Variants in GREB1L observed in about 807,000 individuals in gnomAD.
GREB1L encodes GREB1 like retinoic acid receptor coactivator, also known as GREB1-like protein.
A neutral mutation model predicts 200.8 loss-of-function variants in GREB1L; 17 were observed. That is an observed-to-expected ratio of 0.08 (90% CI 0.06 to 0.13). GREB1L has a LOEUF of 0.13. Ranked by LOEUF, GREB1L falls within the 10% of genes least tolerant of loss-of-function variation. The pLI is 1.00. For synonymous variants in GREB1L, 789 were observed against 893.0 expected (o/e 0.88, Z 2.08); for missense variants, 1,657 against 2,367.7 (o/e 0.70, Z 6.23).
At chr18:21,430,188 A>AT (rs2033025269) in intron 7 of GREB1L, among the ~76,000 whole-genome samples, 1 of 152,140 alleles carries the variant, frequency 6.6e-6, no homozygotes. Context: ...GGTTTTAGGA[A>AT]TTGGGGCCTC....
At chr18:21,382,877 G>A (rs2040379798) in intron 2 of GREB1L, among the ~76,000 whole-genome samples, 1 of 152,024 alleles carries the variant, frequency 6.6e-6, no homozygotes, top group East Asian at 1.9e-4. Flanking sequence ...AAAGTTTTTT[G>A]CCATATACTT....
chr18:21,522,090 C>A lies in GREB1L; in HGVS notation c.5609-568C>A, dbSNP rs139402125. Among the ~76,000 whole-genome samples the A allele has an allele frequency of 2.7e-3, 400 of 150,570 alleles. 1 individual carries two copies. The highest frequency in any genetic ancestry group is 4.5e-3 in the Non-Finnish European group (305 of 67,750). On this transcript the variant is annotated intron_variant, in intron 32 of 32. Transcript: ENST00000424526. ...AGTGCTGAGGTTCAGAAACCCTAAT[C>A]TAGGAGGAACACATGAGAAACATAA...
chr18:21,440,765 C>G (rs1225960223), intron 9 of GREB1L, among the ~76,000 whole-genome samples: 1 of 152,140 alleles, frequency 6.6e-6, no homozygotes, highest in Non-Finnish European at 1.5e-5. Context: ...CAGTCTGTGG[C>G]TAGAAACCTG....
At chr18:21,251,054 G>A (rs1273156408) in intron 1 of GREB1L, among the ~76,000 whole-genome samples, 1 of 152,194 alleles carries the variant, frequency 6.6e-6, no homozygotes, top group African/African-American at 2.4e-5. Context: ...AGTGGCTCAT[G>A]TCTGTAATCC....
At position 21,522,849 on chromosome 18, in the gene GREB1L, A is replaced by G. The variant is rs1378417008; in HGVS notation, c.*28A>G. 3.9e-6 allele frequency: 6 copies of G among 1,525,688 alleles called. No homozygotes were observed. Among genetic ancestry groups the G allele is most frequent in the Non-Finnish European group, 5.3e-6 (6 of 1,133,470 alleles). The allele number at this position is 1,525,688 out of a possible 1,614,324, so 94.5% of individuals were successfully genotyped here. A position where few individuals can be genotyped will look rare whatever the true frequency, so the allele number is the denominator to read the frequency against. On this transcript the variant is annotated 3_prime_UTR_variant, in exon 33 of 33. Coordinates refer to ENST00000424526, the MANE Select transcript of GREB1L (RefSeq NM_001142966.3). ...TTTTGAAGAGACCAAAACAGCAAAA[A>G]GATGCCTAGGTGGGATGGGACAGAA...
intron 1 of GREB1L, among the ~76,000 whole-genome samples, chr18:21,358,780 A>C (rs2039542769): frequency 6.6e-6 from 1 of 152,238 alleles, no homozygotes; most frequent in Admixed American, 6.5e-5. Context: ...CGCAGAAATC[A>C]CCACTAAAGA....
chr18:21,348,512 T>A (rs1008753933), intron 1 of GREB1L, among the ~76,000 whole-genome samples: 4 of 152,034 alleles, frequency 2.6e-5, no homozygotes, highest in African/African-American at 9.6e-5. Context: ...CAGTGGCTCA[T>A]GTCTGTAATC....
At chr18:21,435,449 A>G (rs2033473709) in intron 7 of GREB1L, among the ~76,000 whole-genome samples, 1 of 152,196 alleles carries the variant, frequency 6.6e-6, no homozygotes, top group South Asian at 2.1e-4. Flanking sequence ...TTTTCAGTGT[A>G]CTGTAGCAAA....
At chr18:21,344,290 A>G (rs1470882466) in intron 1 of GREB1L, among the ~76,000 whole-genome samples, 1 of 152,118 alleles carries the variant, frequency 6.6e-6, no homozygotes, top group Non-Finnish European at 1.5e-5. Context: ...AGTCCCAGCT[A>G]TTCGTGAGGC....
chr18:21,248,552 T>C (rs2037645171), intron 1 of GREB1L, among the ~76,000 whole-genome samples: 1 of 152,216 alleles, frequency 6.6e-6, no homozygotes, highest in Non-Finnish European at 1.5e-5. Context: ...AGACACTTTT[T>C]AACTTTCAGA....
Position 21,499,769 on chromosome 18 carries a change from TGAC to T in GREB1L, c.3433_3435del (p.Asp1145del), listed in dbSNP as rs1568062490. The T allele has an allele frequency of 6.4e-7, 1 of 1,552,050 alleles. No individual in the cohort carries two copies. Among genetic ancestry groups the T allele is most frequent in the Admixed American group, 2.0e-5 (1 of 51,002 alleles). ...ATGGAGTGAGCTCTTCCAGCACAGC[TGAC>T]AAGTCCCAGAAGCAGTCCCTGACCC... is the stretch of plus-strand genomic sequence containing the variant. On this transcript the variant is annotated inframe_deletion, in exon 22 of 33. Coordinates refer to ENST00000424526, the MANE Select transcript of GREB1L (RefSeq NM_001142966.3).
intron 1 of GREB1L, among the ~76,000 whole-genome samples, chr18:21,288,866 C>A (rs916049336): frequency 1.3e-4 from 20 of 151,852 alleles, no homozygotes; most frequent in African/African-American, 4.1e-4. Flanking sequence ...GCCTCCTGAG[C>A]AGCTGGGATT....
At position 21,499,903 on chromosome 18, in the gene GREB1L, T is replaced by C. The variant is rs1408924444; in HGVS notation, c.3566T>C (p.Leu1189Pro). 3 of 1,549,674 alleles carry C rather than the reference T, an allele frequency of 1.9e-6. No individual in the cohort carries two copies. Among genetic ancestry groups the C allele is most frequent in the African/African-American group, 2.7e-5 (2 of 72,944 alleles). The change falls in exon 22 of 33, where the codon CTG becomes CCG. Residue 1189 changes from leucine to proline, a missense_variant. Coordinates refer to ENST00000424526, the MANE Select transcript of GREB1L (RefSeq NM_001142966.3). Reference protein sequence around the residue: ...GETLKQECDSLGPQMASSTTS... With the variant: ...GETLKQECDSPGPQMASSTTS... ...ACTCTGAAGCAGGAATGTGACTCCC[T>C]GGGCCCCCAGATGGCGAGCAGCACC...
At chr18:21,327,264 A>T (rs1376804256) in intron 1 of GREB1L, among the ~76,000 whole-genome samples, 4 of 152,136 alleles carry the variant, frequency 2.6e-5, no homozygotes, top group Non-Finnish European at 5.9e-5. Context: ...AAAGGGCAAC[A>T]CTCCCATCCA....
intron 15 of GREB1L, 194 bp downstream of exon 15, chr18:21,454,757 T>C: frequency 3.3e-6 from 2 of 602,634 alleles, no homozygotes; most frequent in South Asian, 3.9e-5. Flanking sequence ...TCCCTCAAGG[T>C]CAAGGGTAAA....
intron 2 of GREB1L, among the ~76,000 whole-genome samples, chr18:21,376,019 T>A (rs2040056322): frequency 6.6e-6 from 1 of 152,224 alleles, no homozygotes; most frequent in African/African-American, 2.4e-5. Context: ...TATGACTGTA[T>A]ATTCTGAAAT....
chr18:21,354,871 C>G (rs1354735482), intron 1 of GREB1L, among the ~76,000 whole-genome samples: 1 of 152,146 alleles, frequency 6.6e-6, no homozygotes, highest in African/African-American at 2.4e-5. Flanking sequence ...TGCAGGGATA[C>G]TTAGGATGTT....
chr18:21,244,477 C>G (rs2037563476), intron 1 of GREB1L, among the ~76,000 whole-genome samples: 1 of 151,962 alleles, frequency 6.6e-6, no homozygotes, highest in African/African-American at 2.4e-5. Flanking sequence ...CACGACGTAA[C>G]TTTTTTTTGG....
intron 1 of GREB1L, among the ~76,000 whole-genome samples, chr18:21,268,623 G>T (rs2038029228): frequency 7.5e-6 from 1 of 132,480 alleles, no homozygotes; most frequent in Non-Finnish European, 1.6e-5. Context: ...TTTCAGGCAG[G>T]GTTTCATTCT....
Sources: gnomAD v4.1 joint callset for allele counts (sites outside exome capture counted in the v4.1 genomes callset) on GRCh38, gnomAD v4.1.1 for gene constraint, MANE v1.5 for transcripts, NCBI Gene and HGNC (gene_info 2026-07-23, HGNC 2026-07-21) for gene names.